The following CNTNAP2 variants were observed in gnomAD, a reference collection of about 807,000 sequenced individuals.
CNTNAP2 encodes the protein contactin associated protein 2, also known as contactin-associated protein-like 2.
A neutral mutation model predicts 155.2 loss-of-function variants in CNTNAP2; 98 were observed. That is an observed-to-expected ratio of 0.63 (90% CI 0.54 to 0.75). The LOEUF is 0.75. Among genes scored for constraint, CNTNAP2 ranks in the 30% least tolerant of loss-of-function variants. CNTNAP2 has a pLI of 0.00. For synonymous variants in CNTNAP2, 651 were observed against 631.2 expected (o/e 1.03, Z -0.47); for missense variants, 1,727 against 1,688.1 (o/e 1.02, Z -0.40).
intron 1 of CNTNAP2, among the ~76,000 whole-genome samples, chr7:146,230,673 C>G (rs1349584503): frequency 6.6e-6 from 1 of 152,068 alleles, no homozygotes; most frequent in Non-Finnish European, 1.5e-5. Context: ...ATAGACAGGT[C>G]ATAGAAAGCA....
At chr7:146,182,891 C>T (rs1798569754) in intron 1 of CNTNAP2, among the ~76,000 whole-genome samples, 1 of 152,160 alleles carries the variant, frequency 6.6e-6, no homozygotes, top group Non-Finnish European at 1.5e-5. Flanking sequence ...CTCCAATTTT[C>T]TATCTAGGTC....
chr7:146,479,487 A>T (rs567786528), intron 1 of CNTNAP2, among the ~76,000 whole-genome samples: 1 of 152,180 alleles, frequency 6.6e-6, no homozygotes. Flanking sequence ...AATTTAAAAC[A>T]GTTGCTTTAT....
intron 1 of CNTNAP2, among the ~76,000 whole-genome samples, chr7:146,755,607 C>T (rs1801982303): frequency 1.3e-5 from 2 of 152,056 alleles, no homozygotes; most frequent in Middle Eastern, 6.8e-3. Flanking sequence ...TATCAGTGTG[C>T]ATATTCTTAT....
chr7:147,651,445 C>A (rs1795449040), intron 13 of CNTNAP2, among the ~76,000 whole-genome samples: 1 of 152,310 alleles, frequency 6.6e-6, no homozygotes, highest in Non-Finnish European at 1.5e-5. Flanking sequence ...GCTAAGTTGA[C>A]AGATAAAACC....
At chr7:146,519,176 TAATATAAGGCAGTTTGCTG>T (rs1173116625) in intron 1 of CNTNAP2, among the ~76,000 whole-genome samples, 4 of 151,838 alleles carry the variant, frequency 2.6e-5, no homozygotes, top group Non-Finnish European at 4.4e-5. Context: ...TGAGTATTGA[TAATATAAGGCAGTTTGCTG>T]TGAATTCTAA....
chr7:147,784,050 T>C (rs1232332960), intron 13 of CNTNAP2, among the ~76,000 whole-genome samples: 2 of 152,058 alleles, frequency 1.3e-5, no homozygotes, highest in Non-Finnish European at 2.9e-5. Flanking sequence ...GTTCCTTGAT[T>C]TGTAGATGCA....
At chr7:147,871,557 C>T (rs764765481) in intron 13 of CNTNAP2, among the ~76,000 whole-genome samples, 3 of 152,188 alleles carry the variant, frequency 2.0e-5, no homozygotes, top group Non-Finnish European at 4.4e-5. Context: ...GGGGTATCAG[C>T]CCCCACTACA....
At chr7:148,267,719 T>G (rs983397394) in intron 21 of CNTNAP2, among the ~76,000 whole-genome samples, 2 of 151,296 alleles carry the variant, frequency 1.3e-5, no homozygotes, top group Non-Finnish European at 2.9e-5. Flanking sequence ...TGGGGGCTTC[T>G]AAGTCAGCGA....
At chr7:146,909,308 C>T (rs1226725299) in intron 3 of CNTNAP2, among the ~76,000 whole-genome samples, 1 of 132,350 alleles carries the variant, frequency 7.6e-6, no homozygotes, top group Non-Finnish European at 1.6e-5. Context: ...TTTTATGAGG[C>T]CAGCATCATT....
intron 1 of CNTNAP2, among the ~76,000 whole-genome samples, chr7:146,233,268 T>G (rs1799416281): frequency 6.6e-6 from 1 of 152,142 alleles, no homozygotes; most frequent in Non-Finnish European, 1.5e-5. Flanking sequence ...ATCAAAGAGC[T>G]TAATTCTCAG....
chr7:146,464,276 T>G (rs1347982622), intron 1 of CNTNAP2, among the ~76,000 whole-genome samples: 1 of 145,020 alleles, frequency 6.9e-6, no homozygotes, highest in Non-Finnish European at 1.5e-5. Flanking sequence ...AGAAGTAAAG[T>G]TTTTAAGGCA....
Position 147,961,575 on chromosome 7 carries a change from A to G in CNTNAP2, c.2256-16287A>G, listed in dbSNP as rs149313160. ...TTACAGTTTTCTACAGTTTTCCAATAGAAGACATTAAATAAATGAGAGAAC... is the reference window on the plus strand; with the variant it reads ...TTACAGTTTTCTACAGTTTTCCAATGGAAGACATTAAATAAATGAGAGAAC... On this transcript the variant is annotated intron_variant, in intron 14 of 23. Coordinates refer to ENST00000361727, the MANE Select transcript of CNTNAP2 (RefSeq NM_014141.6). Among the ~76,000 whole-genome samples, 5 of 152,322 alleles carry G rather than the reference A, an allele frequency of 3.3e-5. No homozygotes were observed. In the East Asian group the frequency reaches 9.6e-4, roughly 29 times the overall value.
At chr7:148,363,261 G>A (rs955249896) in intron 21 of CNTNAP2, among the ~76,000 whole-genome samples, 3 of 152,224 alleles carry the variant, frequency 2.0e-5, no homozygotes, top group Non-Finnish European at 4.4e-5. Context: ...GGGATTACAG[G>A]CGTGAGCCAC....
intron 21 of CNTNAP2, among the ~76,000 whole-genome samples, chr7:148,314,602 G>C (rs1797654213): frequency 6.6e-6 from 1 of 152,090 alleles, no homozygotes; most frequent in Non-Finnish European, 1.5e-5. Context: ...GGGGTCGGGG[G>C]GTTCTTGCCC....
At position 147,274,247 on chromosome 7, in the gene CNTNAP2, T is replaced by C. The variant is rs112663000; in HGVS notation, c.1349-25894T>C. Among the ~76,000 whole-genome samples the C allele has an allele frequency of 3.0e-3, 461 of 152,176 alleles. 5 individuals carry two copies. The highest frequency in any genetic ancestry group is 0.01 in the African/African-American group (429 of 41,524). Reference sequence around the variant, plus strand: ...GTCTCCGTATTGTTTTCCATAGAAGTTGTACTAATTTAATTTCCCACCAAT... The same window carrying C: ...GTCTCCGTATTGTTTTCCATAGAAGCTGTACTAATTTAATTTCCCACCAAT... On this transcript the variant is annotated intron_variant, in intron 8 of 23. Transcript: ENST00000361727.
intron 18 of CNTNAP2, among the ~76,000 whole-genome samples, chr7:148,201,376 C>G (rs554261800): frequency 1.3e-5 from 2 of 152,278 alleles, no homozygotes; most frequent in African/African-American, 4.8e-5. Context: ...TATGTTTGAA[C>G]CTAAGTCTTT....
intron 13 of CNTNAP2, among the ~76,000 whole-genome samples, chr7:147,691,727 A>G (rs1796090072): frequency 6.6e-6 from 1 of 152,152 alleles, no homozygotes; most frequent in East Asian, 1.9e-4. Flanking sequence ...GAGAAGTTTT[A>G]GGTTTACAGC....
intron 21 of CNTNAP2, among the ~76,000 whole-genome samples, chr7:148,295,585 G>A (rs1434816506): frequency 2.9e-5 from 4 of 139,572 alleles, no homozygotes; most frequent in Admixed American, 2.1e-4. Flanking sequence ...TCCGCCTCCC[G>A]GGTTCACCCC....
At chr7:147,902,790 G>A (rs1328999786) in intron 13 of CNTNAP2, among the ~76,000 whole-genome samples, 1 of 135,144 alleles carries the variant, frequency 7.4e-6, no homozygotes, top group Admixed American at 8.1e-5. Flanking sequence ...GTGTGTGTGT[G>A]TGTGTGTGTG....
Sources: allele counts gnomAD v4.1 joint callset (sites outside exome capture counted in the v4.1 genomes callset), GRCh38; gene constraint gnomAD v4.1.1; transcripts MANE v1.5; gene names NCBI Gene and HGNC (gene_info 2026-07-23, HGNC 2026-07-21).